KCNH6: variants seen among roughly 807,000 people sequenced by gnomAD.
The protein encoded by KCNH6 is voltage-gated inwardly rectifying potassium channel KCNH6.
Under a neutral mutation model 83.4 loss-of-function variants are expected in KCNH6, and 81 were observed. The observed-to-expected ratio is 0.97, with a 90% confidence interval of 0.81 to 1.17. KCNH6 has a LOEUF of 1.17. KCNH6 is among the 50% of genes most tolerant of loss of function. The pLI is 0.00. For synonymous variants in KCNH6, 503 were observed against 545.6 expected (o/e 0.92, Z 1.09); for missense variants, 1,203 against 1,290.5 (o/e 0.93, Z 1.04).
intron 4 of KCNH6, among the ~76,000 whole-genome samples, chr17:63,530,853 T>C (rs543809686): frequency 4.0e-5 from 6 of 151,890 alleles, no homozygotes; most frequent in African/African-American, 9.7e-5. Context: ...GAGGCCACCA[T>C]GGGGGCCTGA....
rs752637916 is a variant in KCNH6, at chr17:63,545,898, A to C, written c.2873A>C (p.His958Pro). The change falls in exon 13 of 13, where the codon CAC (histidine) becomes CCC (proline). Residue 958 changes from histidine (H) to proline (P), a missense_variant. Physicochemically the swap from His to Pro is moderately conservative, Grantham distance 77. Coordinates refer to ENST00000314672, the MANE Select transcript of KCNH6 (RefSeq NM_001278919.2). ...CCTGGATTTGCAGGGAGTTGGGGCCACTGAACTCCAAGATAAAGACACCAT... is the reference window on the plus strand; with the variant it reads ...CCTGGATTTGCAGGGAGTTGGGGCCCCTGAACTCCAAGATAAAGACACCAT... ...SDPGFAGSWG[H>P] 6.2e-7 allele frequency: 1 copy of C among 1,613,358 alleles called. No individual in the cohort carries two copies. Among genetic ancestry groups the C allele is most frequent in the Non-Finnish European group, 8.5e-7 (1 of 1,179,794 alleles).
At chr17:63,545,006 A>T in intron 11 of KCNH6, 72 bp from the exon 12 acceptor site, 1 of 1,468,068 alleles carries the variant, frequency 6.8e-7, no homozygotes, top group Non-Finnish European at 9.4e-7. Flanking sequence ...CACGCAGGCT[A>T]CAAGATTGAC....
At chr17:63,548,034 G>C (rs1267976307), downstream of KCNH6, among the ~76,000 whole-genome samples, 3 of 152,140 alleles carry the variant, frequency 2.0e-5, no homozygotes, top group African/African-American at 4.8e-5. Context: ...GGGAGGCTGA[G>C]GTGGGCAGAT....
chr17:63,530,292 G>A, intron 3 of KCNH6, 40 bp downstream of exon 3: 1 of 1,613,850 alleles, frequency 6.2e-7, no homozygotes, highest in Non-Finnish European at 8.5e-7. Flanking sequence ...GGACGCATGA[G>A]GGTCCCCTGG....
chr17:63,546,953 A>G (rs1321340701), downstream of KCNH6, among the ~76,000 whole-genome samples: 1 of 152,184 alleles, frequency 6.6e-6, no homozygotes, highest in Non-Finnish European at 1.5e-5. Context: ...TCATGACAAC[A>G]GCCAACACTT....
At chr17:63,529,897 A>T (rs1597978755) in intron 2 of KCNH6, among the ~76,000 whole-genome samples, 194 bp from the exon 3 acceptor site, 1 of 151,892 alleles carries the variant, frequency 6.6e-6, no homozygotes, top group Non-Finnish European at 1.5e-5. Flanking sequence ...CGCTCTCCCC[A>T]CCTCTGCCCT....
At position 63,538,302 on chromosome 17, in the gene KCNH6, G is replaced by C. The variant is rs748480191; in HGVS notation, c.1701+38G>C. On this transcript the variant is annotated intron_variant, in intron 7 of 12. Coordinates refer to ENST00000314672, the MANE Select transcript of KCNH6 (RefSeq NM_001278919.2). The surrounding 1 kb of genome is among the most constrained non-coding windows in gnomAD (Gnocchi z 4.0). Reference sequence around the variant, plus strand: ...GCTCCGGCTAATGCCCCGGGCGTGGGGGGGAGCCAAGATCCTGCGGGGGCG... The same window carrying C: ...GCTCCGGCTAATGCCCCGGGCGTGGCGGGGAGCCAAGATCCTGCGGGGGCG... 6.3e-5 allele frequency: 101 copies of C among 1,611,848 alleles called. No individual in the cohort carries two copies. In the East Asian group the frequency reaches 8.0e-4, roughly 13 times the overall value.
chr17:63,523,377 G>C lies in KCNH6; in HGVS notation c.-37G>C. On this transcript the variant is annotated 5_prime_UTR_variant, in exon 1 of 13. Coordinates refer to ENST00000314672, the MANE Select transcript of KCNH6 (RefSeq NM_001278919.2). This position sits in a 1 kb window ranked among gnomAD's most constrained non-coding sequence, Gnocchi z 4.2. ...ACAGACGGAGACGCCGGGAGCCAGT[G>C]GCGCCTGTGGCTCCGGGCAGGGGCC... The C allele has an allele frequency of 6.4e-7, 1 of 1,560,786 alleles. No individual in the cohort carries two copies. The highest frequency in any genetic ancestry group is 8.6e-7 in the Non-Finnish European group (1 of 1,156,892).
intron 9 of KCNH6, 64 bp downstream of exon 9, chr17:63,542,498 G>A: frequency 1.4e-6 from 2 of 1,429,124 alleles, no homozygotes; most frequent in Non-Finnish European, 2.0e-6. Flanking sequence ...TGGCCTGAGG[G>A]CACCCATCTG....
At chr17:63,546,941 G>T (rs891505258), downstream of KCNH6, among the ~76,000 whole-genome samples, 3 of 152,158 alleles carry the variant, frequency 2.0e-5, no homozygotes, top group Admixed American at 6.5e-5. Flanking sequence ...GGCCCTAGGG[G>T]ATCATGACAA....
At chr17:63,531,919 C>T (rs767197679) in intron 4 of KCNH6, among the ~76,000 whole-genome samples, 5 of 152,194 alleles carry the variant, frequency 3.3e-5, no homozygotes, top group Admixed American at 6.5e-5. Flanking sequence ...AGGTGCCTGA[C>T]AGATCTCAGG....
At chr17:63,532,311 G>A (rs575553869) in intron 4 of KCNH6, among the ~76,000 whole-genome samples, 1 of 152,332 alleles carries the variant, frequency 6.6e-6, no homozygotes, top group South Asian at 2.1e-4. Flanking sequence ...GATGCCCAGG[G>A]TGTGACGGCA....
intron 8 of KCNH6, among the ~76,000 whole-genome samples, chr17:63,541,480 G>A (rs1432449738): frequency 6.7e-6 from 1 of 148,566 alleles, no homozygotes; most frequent in Non-Finnish European, 1.5e-5. Flanking sequence ...GTTTTTAGTA[G>A]AGATGCGGTT....
Position 63,524,138 on chromosome 17 carries a change from G to C in KCNH6, c.77-1G>C, listed in dbSNP as rs2031532088. ...TTTTTGCCTCCCACCTCCCACCCCA[G>C]GTCGGAAGTTCCTGATTGCCAATGC... On this transcript the variant is annotated splice_acceptor_variant, in intron 1 of 12. Transcript: ENST00000314672. LOFTEE classifies it high-confidence loss of function. The C allele has an allele frequency of 6.2e-7, 1 of 1,611,994 alleles. No individual in the cohort carries two copies. Among genetic ancestry groups the C allele is most frequent in the Admixed American group, 1.7e-5 (1 of 59,984 alleles).
In KCNH6 at chr17:63,530,360, G is replaced by A. The variant is rs35399062; in HGVS notation, c.493G>A (p.Gly165Arg). 2.7e-3 allele frequency: 4,315 copies of A among 1,614,132 alleles called. 97 individuals carry two copies. The African/African-American group carries it at 0.048, about 18-fold the overall frequency. Residue 165 changes from glycine (G) to arginine (R), a missense_variant, in exon 4 of 13, where the codon GGA (glycine) becomes AGA (arginine). Transcript: ENST00000314672. ...GSEGSHGRPG[G>R]PGPGTGRGKY... ...AGAGGGCTCTCATGGCAGGCCAGGC[G>A]GACCAGGGCCAGGCACAGGCAGGGG...
At position 63,538,305 on chromosome 17, in the gene KCNH6, G is replaced by GA; in HGVS notation, c.1701+41_1701+42insA. The GA allele has an allele frequency of 6.2e-7, 1 of 1,612,212 alleles. No individual in the cohort carries two copies. Among genetic ancestry groups the GA allele is most frequent in the African/African-American group, 1.3e-5 (1 of 74,970 alleles). On this transcript the variant is annotated intron_variant, in intron 7 of 12. Coordinates refer to ENST00000314672, the MANE Select transcript of KCNH6 (RefSeq NM_001278919.2). This position sits in a 1 kb window ranked among gnomAD's most constrained non-coding sequence, Gnocchi z 4.0. ...CCGGCTAATGCCCCGGGCGTGGGGG[G>GA]GAGCCAAGATCCTGCGGGGGCGGGG...
intron 8 of KCNH6, among the ~76,000 whole-genome samples, chr17:63,541,502 G>A (rs533107006): frequency 4.6e-4 from 68 of 148,690 alleles, no homozygotes; most frequent in South Asian, 1.0e-3. Context: ...CACCGTGTTG[G>A]CCAGACTGGT....
In KCNH6 at chr17:63,538,478, G is replaced by GCA; in HGVS notation, c.1772_1773dup (p.Cys592ThrfsTer16). The GCA allele has an allele frequency of 6.2e-7, 1 of 1,604,284 alleles. No homozygotes were observed. Among genetic ancestry groups the GCA allele is most frequent in the Non-Finnish European group, 8.5e-7 (1 of 1,176,112 alleles). On this transcript the variant is annotated frameshift_variant, in exon 8 of 13. Coordinates refer to ENST00000314672, the MANE Select transcript of KCNH6 (RefSeq NM_001278919.2). LOFTEE classifies it high-confidence loss of function. The surrounding 1 kb of genome is among the most constrained non-coding windows in gnomAD (Gnocchi z 4.0). ...TGCACCTGCACCGCGCACTGCTGCA[G>GCA]CACTGCCCAGCTTTCAGCGGCGCCG...
chr17:63,532,945 A>G (rs1395704264), intron 4 of KCNH6, among the ~76,000 whole-genome samples: 2 of 152,200 alleles, frequency 1.3e-5, no homozygotes, highest in Non-Finnish European at 2.9e-5. Context: ...TCATTTCCTC[A>G]CTACCCATGG....
Sources: gnomAD v4.1 joint callset for allele counts (sites outside exome capture counted in the v4.1 genomes callset) on GRCh38, gnomAD v4.1.1 for gene constraint, Gnocchi (gnomAD v3.1) non-coding constraint, MANE v1.5 for transcripts, NCBI Gene and HGNC (gene_info 2026-07-23, HGNC 2026-07-21) for gene names.